The following PLCB1 variants were observed in gnomAD, a reference collection of about 807,000 sequenced individuals.
PLCB1 encodes the protein 1-phosphatidylinositol 4,5-bisphosphate phosphodiesterase beta-1.
Under a neutral mutation model 161.8 loss-of-function variants are expected in PLCB1, and 46 were observed. The observed-to-expected ratio is 0.28, with a 90% CI of 0.22 to 0.36. The LOEUF (loss-of-function observed/expected upper bound fraction) is 0.36, where lower values mean the gene tolerates loss of function less well. Ranked by LOEUF, PLCB1 falls within the 10% of genes least tolerant of loss-of-function variation. PLCB1 has a pLI of 1.00. For missense variants in PLCB1, 1,016 were observed against 1,472.5 expected, an observed-to-expected ratio of 0.69 and a Z score of 5.07; for synonymous variants, 517 against 503.7, an observed-to-expected ratio of 1.03 and a Z score of -0.35.
chr20:8,661,750 A>G (rs969399683), intron 9 of PLCB1, among the ~76,000 whole-genome samples: 5 of 151,050 alleles, frequency 3.3e-5, no homozygotes, highest in African/African-American at 1.2e-4. Context: ...AAGCAGGCCA[A>G]ATAGTACTAG....
chr20:8,576,895 A>G (rs1247322706), intron 3 of PLCB1, among the ~76,000 whole-genome samples: 1 of 152,138 alleles, frequency 6.6e-6, no homozygotes, highest in Non-Finnish European at 1.5e-5. Flanking sequence ...TTTCAAGTCT[A>G]CGTGTGATGG....
At chr20:8,757,796 A>G (rs956575975) in intron 24 of PLCB1, among the ~76,000 whole-genome samples, 1 of 152,062 alleles carries the variant, frequency 6.6e-6, no homozygotes, top group African/African-American at 2.4e-5. Flanking sequence ...TGATACTAAC[A>G]TTCTTGCTTT....
At chr20:8,622,152 G>A (rs1988203081) in intron 3 of PLCB1, among the ~76,000 whole-genome samples, 2 of 151,930 alleles carry the variant, frequency 1.3e-5, no homozygotes, top group Admixed American at 6.6e-5. Flanking sequence ...TACTCGGGAG[G>A]CTGAGGCAGG....
chr20:8,458,553 G>A (rs774713763), intron 3 of PLCB1, among the ~76,000 whole-genome samples: 10 of 152,142 alleles, frequency 6.6e-5, no homozygotes, highest in Non-Finnish European at 1.2e-4. Flanking sequence ...ACAAGAAATT[G>A]CCCAGGCCTT....
intron 4 of PLCB1, among the ~76,000 whole-genome samples, chr20:8,629,817 TTTTCTTTCTTTC>T (rs752268619): frequency 2.5e-3 from 242 of 96,976 alleles, no homozygotes; most frequent in Middle Eastern, 5.9e-3. Context: ...CTTTTCTTTC[TTTTCTTTCTTTC>T]TTTCTTTCTT....
Position 8,197,603 on chromosome 20 carries a change from G to C in PLCB1, c.177+47232G>C, listed in dbSNP as rs552926761. 3.3e-5 allele frequency among the ~76,000 whole-genome samples: 5 copies of C among 152,256 alleles called. No homozygotes were observed. The South Asian group carries it at 1.0e-3, about 32-fold the overall frequency. On this transcript the variant is annotated intron_variant, in intron 2 of 31. Coordinates refer to ENST00000338037, the MANE Select transcript of PLCB1 (RefSeq NM_015192.4). The stretch of plus-strand genomic sequence containing the variant: ...GATTGCAAAAATTTTCTGCCATTCT[G>C]TAGGTTGCCTGTTCACTCTGATAGT...
intron 27 of PLCB1, among the ~76,000 whole-genome samples, chr20:8,783,666 G>C (rs1366081100): frequency 1.3e-5 from 2 of 152,188 alleles, no homozygotes; most frequent in African/African-American, 4.8e-5. Context: ...CATAAGAAAG[G>C]GGGCTGTCCA....
At chr20:8,154,108 T>G (rs997992791) in intron 2 of PLCB1, among the ~76,000 whole-genome samples, 4 of 152,290 alleles carry the variant, frequency 2.6e-5, no homozygotes, top group African/African-American at 9.6e-5. Context: ...ATATTTCATT[T>G]TGTTTTGCTT....
At chr20:8,620,747 C>CAAAAAAAAAAAAAAAAAAAAAAAAAAA (rs779029928) in intron 3 of PLCB1, among the ~76,000 whole-genome samples, 1 of 75,248 alleles carries the variant, frequency 1.3e-5, no homozygotes, top group African/African-American at 5.4e-5. Context: ...CTGCCCCCAC[C>CAAAAAAAAAAAAAAAAAAAAAAAAAAA]AAAAAAAAAA....
At chr20:8,741,779 T>C (rs538790770) in intron 23 of PLCB1, among the ~76,000 whole-genome samples, 1 of 152,374 alleles carries the variant, frequency 6.6e-6, no homozygotes, top group East Asian at 1.9e-4. Context: ...ATTCTGTGGA[T>C]ACCACGAGCA....
chr20:8,764,839 G>T (rs761043), intron 25 of PLCB1, among the ~76,000 whole-genome samples: 4 of 151,980 alleles, frequency 2.6e-5, no homozygotes, highest in Admixed American at 2.6e-4. Context: ...TACTCTGAGA[G>T]TCCCTCAGTA....
intron 4 of PLCB1, among the ~76,000 whole-genome samples, chr20:8,641,094 C>T (rs1018952193): frequency 2.6e-5 from 4 of 152,166 alleles, no homozygotes; most frequent in African/African-American, 9.6e-5. Context: ...AAAACATCAA[C>T]CAAAGCATAA....
chr20:8,138,729 G>T (rs1320992928), intron 1 of PLCB1, among the ~76,000 whole-genome samples: 1 of 152,212 alleles, frequency 6.6e-6, no homozygotes, highest in South Asian at 2.1e-4. Context: ...AACTGAAATA[G>T]GATATAAAGG....
chr20:8,245,344 A>C (rs1434836723), intron 2 of PLCB1, among the ~76,000 whole-genome samples: 4 of 151,896 alleles, frequency 2.6e-5, no homozygotes. Context: ...ACATTCATAG[A>C]TAAGTACAGC....
intron 3 of PLCB1, among the ~76,000 whole-genome samples, chr20:8,533,670 A>G: frequency 6.7e-6 from 1 of 149,526 alleles, no homozygotes; most frequent in Non-Finnish European, 1.5e-5. Context: ...TTCTTTTGAG[A>G]AGTGTCTGTT....
intron 2 of PLCB1, among the ~76,000 whole-genome samples, chr20:8,358,269 G>A (rs1396338470): frequency 2.6e-5 from 4 of 151,970 alleles, no homozygotes; most frequent in Non-Finnish European, 5.9e-5. Context: ...TTGTTTTTGA[G>A]ACAGAGTCTC....
intron 13 of PLCB1, among the ~76,000 whole-genome samples, chr20:8,717,376 A>T (rs533607727): frequency 1.3e-5 from 2 of 152,192 alleles, no homozygotes; most frequent in Non-Finnish European, 1.5e-5. Flanking sequence ...TTGGGTTTCT[A>T]TGTTCCATTG....
rs190301404 is a variant in PLCB1, at chr20:8,482,707, C to A, written c.246+111257C>A. On this transcript the variant is annotated intron_variant, in intron 3 of 31. Coordinates refer to ENST00000338037, the MANE Select transcript of PLCB1 (RefSeq NM_015192.4). The stretch of plus-strand genomic sequence containing the variant: ...AGAAAAATAAAAGGCAATTTAATTA[C>A]AAAGGACGCAATTTTATAGATTGGA... Among the ~76,000 whole-genome samples the A allele has an allele frequency of 9.9e-4, 150 of 152,190 alleles. 2 individuals are homozygous for A. The highest frequency in any genetic ancestry group is 3.4e-3 in the African/African-American group (143 of 41,538).
At chr20:8,837,451 A>G (rs901805857) in intron 31 of PLCB1, among the ~76,000 whole-genome samples, 1 of 152,234 alleles carries the variant, frequency 6.6e-6, no homozygotes, top group African/African-American at 2.4e-5. Context: ...ATTTATTGAT[A>G]TGGATAAAGG....
Sources: gnomAD v4.1 joint callset for allele counts (sites outside exome capture counted in the v4.1 genomes callset) on GRCh38, gnomAD v4.1.1 for gene constraint, MANE v1.5 for transcripts, NCBI Gene and HGNC (gene_info 2026-07-23, HGNC 2026-07-21) for gene names.